DYDC1: variants seen among roughly 807,000 people sequenced by gnomAD.
The protein encoded by DYDC1 is DPY30 domain containing 1, also known as DPY30 domain-containing protein 1.
Under a neutral mutation model 27.9 loss-of-function variants are expected in DYDC1, and 21 were observed. The ratio of observed to expected loss-of-function variants is 0.75; its 90% CI spans 0.53 to 1.08. DYDC1 has a LOEUF of 1.08. DYDC1 is among the 50% of genes least tolerant of loss of function. DYDC1 has a pLI of 0.00. For missense variants in DYDC1, 202 were observed against 205.9 expected (o/e 0.98, Z 0.12); for synonymous variants, 67 against 65.8 (o/e 1.02, Z -0.09).
At chr10:80,347,299 T>TGC (rs1842720300) in intron 3 of DYDC1, among the ~76,000 whole-genome samples, 1 of 72,438 alleles carries the variant, frequency 1.4e-5, no homozygotes, top group African/African-American at 5.0e-5. Context: ...TTTTTTTTTT[T>TGC]TTTTTTGCTA....
At chr10:80,347,305 T>TTTTTTTTTTTTTTTTTTTTTTTTTTTG (rs1360993618) in intron 3 of DYDC1, among the ~76,000 whole-genome samples, 1 of 105,568 alleles carries the variant, frequency 9.5e-6, no homozygotes, top group African/African-American at 3.8e-5. Context: ...TTTTTTTTTT[T>TTTTTTTTTTTTTTTTTTTTTTTTTTTG]GCTATTGAGT....
intron 3 of DYDC1, among the ~76,000 whole-genome samples, chr10:80,342,570 T>G (rs1842371366): frequency 6.6e-6 from 1 of 152,250 alleles, no homozygotes; most frequent in Non-Finnish European, 1.5e-5. Context: ...TGTACAAAAT[T>G]ATTTTCCCTT....
chr10:80,340,195 A>G (rs1842272028), intron 4 of DYDC1, among the ~76,000 whole-genome samples: 1 of 152,226 alleles, frequency 6.6e-6, no homozygotes, highest in African/African-American at 2.4e-5. Flanking sequence ...TCTTGCTCCC[A>G]AAGTCTGAAA....
chr10:80,348,008 G>A (rs953248016), intron 3 of DYDC1, among the ~76,000 whole-genome samples: 4 of 152,144 alleles, frequency 2.6e-5, no homozygotes, highest in Non-Finnish European at 5.9e-5. Context: ...TTGGAATTTT[G>A]ATAGGGATTG....
At chr10:80,345,594 C>G (rs1385050546) in intron 3 of DYDC1, among the ~76,000 whole-genome samples, 1 of 152,122 alleles carries the variant, frequency 6.6e-6, no homozygotes, top group African/African-American at 2.4e-5. Flanking sequence ...GGCCTACCCC[C>G]ACTCCACCTC....
At chr10:80,345,097 T>G (rs1184697858) in intron 3 of DYDC1, among the ~76,000 whole-genome samples, 2 of 152,182 alleles carry the variant, frequency 1.3e-5, no homozygotes, top group East Asian at 3.9e-4. Flanking sequence ...ATCATATTAC[T>G]CAACAGCAGC....
chr10:80,348,954 C>T (rs1465412869), intron 3 of DYDC1, among the ~76,000 whole-genome samples: 2 of 152,082 alleles, frequency 1.3e-5, no homozygotes, highest in African/African-American at 4.8e-5. Flanking sequence ...TGCAGTGGCG[C>T]GATCTCGGCT....
intron 1 of DYDC1, among the ~76,000 whole-genome samples, chr10:80,354,932 G>T (rs1278417863): frequency 6.6e-6 from 1 of 152,004 alleles, no homozygotes; most frequent in Admixed American, 6.6e-5. Context: ...CTGCCTTCAT[G>T]GAGCTTATAG....
At chr10:80,352,736 G>T in intron 1 of DYDC1, 126 bp from the exon 2 acceptor site, 1 of 1,193,838 alleles carries the variant, frequency 8.4e-7, no homozygotes, top group Non-Finnish European at 1.1e-6. Context: ...CCTCCCATTG[G>T]GGGTGTCACA....
intron 3 of DYDC1, among the ~76,000 whole-genome samples, chr10:80,346,440 C>CTTTTTT (rs370935161): frequency 2.2e-5 from 2 of 92,416 alleles, no homozygotes; most frequent in African/African-American, 6.1e-5. Context: ...TGTCTCTTCC[C>CTTTTTT]TTTCTTTTTT....
chr10:80,350,946 T>C (rs1243155195), intron 3 of DYDC1, among the ~76,000 whole-genome samples: 1 of 152,232 alleles, frequency 6.6e-6, no homozygotes, highest in Admixed American at 6.5e-5. Context: ...AAGGTCTGCC[T>C]GCTCCACTTC....
Position 80,350,722 on chromosome 10 carries a change from AT to A in DYDC1, c.249+1178del, listed in dbSNP as rs576198645. 5.8e-4 allele frequency among the ~76,000 whole-genome samples: 88 copies of A among 152,272 alleles called. 2 individuals are homozygous for A. The highest frequency in any genetic ancestry group is 2.1e-3 in the African/African-American group (87 of 41,534). ...TTCTTTCCCCTTTTTAAATATGTAAATTTGAGTCAAGACTCTGGGGTTAAGT... is the reference window on the plus strand; with the variant it reads ...TTCTTTCCCCTTTTTAAATATGTAAATTGAGTCAAGACTCTGGGGTTAAGT... On this transcript the variant is annotated intron_variant, in intron 3 of 6. Transcript: ENST00000372202.
intron 3 of DYDC1, among the ~76,000 whole-genome samples, chr10:80,350,429 T>C (rs1831489219): frequency 6.6e-6 from 1 of 152,230 alleles, no homozygotes; most frequent in Non-Finnish European, 1.5e-5. Flanking sequence ...AGAGGAAGGA[T>C]GGCTCCTCAT....
intron 6 of DYDC1, chr10:80,337,248 C>A (rs1009062584): frequency 2.0e-6 from 2 of 985,336 alleles, no homozygotes; most frequent in African/African-American, 3.5e-5. Flanking sequence ...GAAGCTTCCC[C>A]ATTGGCCCAC....
At chr10:80,344,070 C>T (rs995540604) in intron 3 of DYDC1, among the ~76,000 whole-genome samples, 11 of 151,898 alleles carry the variant, frequency 7.2e-5, no homozygotes, top group African/African-American at 2.2e-4. Context: ...GAGCTGAGAT[C>T]GCACCACTGC....
chr10:80,341,258 A>G (rs1330034117), intron 4 of DYDC1, among the ~76,000 whole-genome samples: 1 of 151,764 alleles, frequency 6.6e-6, no homozygotes, highest in Non-Finnish European at 1.5e-5. Flanking sequence ...CTTGGACAAC[A>G]TGGCAAAACC....
At position 80,348,918 on chromosome 10, in the gene DYDC1, G is replaced by A. The variant is rs1480296452; in HGVS notation, c.249+2983C>T. ...ATAAACTTTTTTTTTTTGAGGCGGA[G>A]TCTCGCTCTGTCGCCCAGGCTGGAC... is the stretch of plus-strand genomic sequence containing the variant. On this transcript the variant is annotated intron_variant, in intron 3 of 6. Coordinates refer to ENST00000372202, the MANE Select transcript of DYDC1 (RefSeq NM_001269053.2). 4.6e-5 allele frequency among the ~76,000 whole-genome samples: 7 copies of A among 151,944 alleles called. No homozygotes were observed. The East Asian group carries it at 1.2e-3, about 25-fold the overall frequency.
rs111435972 is a variant in DYDC1 at position 80,356,455 on chromosome 10, TCA to T, written c.-10+255_-10+256del. ...TGTATCTGGCAACCTCCCGGGGCGCTCAGTGTGGTTTTCCCACCCGGGAGTCT... is the reference window on the plus strand; with the variant it reads ...TGTATCTGGCAACCTCCCGGGGCGCTGTGTGGTTTTCCCACCCGGGAGTCT... On this transcript the variant is annotated intron_variant, in intron 1 of 6. Transcript: ENST00000372202. 3.1e-5 allele frequency: 31 copies of T among 985,198 alleles called. 1 individual carries two copies. In the African/African-American group the frequency reaches 4.2e-4, roughly 13 times the overall value. 61.0% of individuals were successfully genotyped at this position (985,198 alleles called of 1,614,324 possible).
intron 3 of DYDC1, among the ~76,000 whole-genome samples, chr10:80,342,993 A>AAG (rs1554844269): frequency 2.0e-5 from 3 of 151,066 alleles, no homozygotes; most frequent in East Asian, 1.9e-4. Flanking sequence ...AAAAAAAAAA[A>AAG]AAAAAGAAAA....
Sources: gnomAD v4.1 joint callset for allele counts (sites outside exome capture counted in the v4.1 genomes callset) on GRCh38, gnomAD v4.1.1 for gene constraint, MANE v1.5 for transcripts, NCBI Gene and HGNC (gene_info 2026-07-23, HGNC 2026-07-21) for gene names.